The following NOL9 variants were observed in gnomAD, a reference collection of about 807,000 sequenced individuals.
The protein encoded by NOL9 is nucleolar protein 9.
NOL9 carries 28 observed loss-of-function variants against 67.9 expected under a neutral mutation model. The ratio of observed to expected loss-of-function variants is 0.41; its 90% CI spans 0.31 to 0.57. NOL9 has a LOEUF of 0.57. NOL9 is among the 20% of genes least tolerant of loss of function. The pLI, the probability that NOL9 is intolerant of heterozygous loss-of-function variation, is 0.25. For synonymous variants in NOL9, 356 were observed against 352.2 expected (o/e 1.01, Z -0.12); for missense variants, 777 against 897.0 (o/e 0.87, Z 1.71).
At chr1:6,553,330 T>C (rs998528852) in intron 1 of NOL9, among the ~76,000 whole-genome samples, 2 of 152,086 alleles carry the variant, frequency 1.3e-5, no homozygotes, top group Non-Finnish European at 2.9e-5. Flanking sequence ...ACGTTAAGAA[T>C]CAGGCTGCCT....
chr1:6,526,895 A>G, intron 10 of NOL9, 66 bp from the exon 11 acceptor site: 1 of 1,504,008 alleles, frequency 6.6e-7, no homozygotes, highest in Admixed American at 2.2e-5. Context: ...CCATCGTTAG[A>G]AACTGCAGAA....
intron 8 of NOL9, 159 bp from the exon 9 acceptor site, chr1:6,532,238 T>A: frequency 1.4e-6 from 1 of 726,860 alleles, no homozygotes; most frequent in African/African-American, 1.8e-5. Context: ...GTGTAAAGAC[T>A]CTCCTTTAAG....
At chr1:6,549,113 C>A (rs148785907) in intron 3 of NOL9, 9 of 154,582 alleles carry the variant, frequency 5.8e-5, no homozygotes, top group Admixed American at 3.9e-4. Flanking sequence ...AAAAATTAGC[C>A]GGGCATGGTG....
chr1:6,525,478 T>C lies in NOL9; in HGVS notation c.*376A>G, dbSNP rs1253041870. The C allele has an allele frequency of 2.7e-5, 6 of 224,322 alleles. 1 individual carries two copies. The highest frequency in any genetic ancestry group is 9.2e-5 in the African/African-American group (4 of 43,500). The allele number at this position is 224,322 out of a possible 1,614,324, so 13.9% of individuals were successfully genotyped here. On this transcript the variant is annotated 3_prime_UTR_variant, in exon 12 of 12. Coordinates refer to ENST00000377705, the MANE Select transcript of NOL9 (RefSeq NM_024654.5). ...TCCATTATGCTTGAGATCCTGCAGG[T>C]CGGCCTTCTTCCTTCCTTCTCGGTA...
chr1:6,541,924 A>C lies in NOL9; in HGVS notation c.981T>G (p.Leu327=), dbSNP rs1273288588. Reference sequence around the variant, plus strand: ...CACATTCCAAATAGTCAACGCAGGGAAGACTGCAAATTTTTAAAAAAGAAA... The same window carrying C: ...CACATTCCAAATAGTCAACGCAGGGCAGACTGCAAATTTTTAAAAAAGAAA... ...RYLINHLLNS[L]PCVDYLECDL... is the part of the protein sequence containing the mutation. The change falls in exon 6 of 12, where the codon CTT becomes CTG. Residue 327 remains leucine, a synonymous_variant. Transcript: ENST00000377705. 6.3e-7 allele frequency: 1 copy of C among 1,579,948 alleles called. No homozygotes were observed. The highest frequency in any genetic ancestry group is 2.2e-5 in the East Asian group (1 of 44,490).
intron 5 of NOL9, among the ~76,000 whole-genome samples, chr1:6,543,898 G>A (rs1403954216): frequency 6.6e-6 from 1 of 152,116 alleles, no homozygotes; most frequent in East Asian, 1.9e-4. Flanking sequence ...GGCTAAGGCG[G>A]GCAGATAACC....
At chr1:6,549,501 T>A (rs1488611803) in intron 3 of NOL9, 70 bp downstream of exon 3, 4 of 1,559,574 alleles carry the variant, frequency 2.6e-6, no homozygotes, top group Non-Finnish European at 3.5e-6. Context: ...GACAACATCC[T>A]ACATAGTCAT....
rs1436806075 is a variant in NOL9, at chr1:6,526,731, C to T, written c.1924G>A (p.Ala642Thr). ...LRTVNCLLVG[A>T]IAIPHCVLKC... The stretch of plus-strand genomic sequence containing the variant: ...AGGACACAATGTGGAATGGCAATAG[C>T]TCCAACGAGCAGACAATTCACGGTC... The change falls in exon 11 of 12, where the codon GCT becomes ACT. Residue 642 changes from alanine to threonine, a missense_variant. Around this residue, in one of 2 missense-constraint regions of NOL9, gnomAD observed 413 missense variants for 552.6 expected, o/e 0.75. Coordinates refer to ENST00000377705, the MANE Select transcript of NOL9 (RefSeq NM_024654.5). 3.1e-6 allele frequency: 5 copies of T among 1,613,878 alleles called. No individual in the cohort carries two copies. The highest frequency in any genetic ancestry group is 4.2e-6 in the Non-Finnish European group (5 of 1,179,884).
rs752971374 is a variant in NOL9 at position 6,525,442 on chromosome 1, G to C, written c.*412C>G. ...ACATGGCTCAGGCAAGGCCCGTGGC[G>C]AGCCCTTGTATCCATTATGCTTGAG... On this transcript the variant is annotated 3_prime_UTR_variant, in exon 12 of 12. Transcript: ENST00000377705. The C allele has an allele frequency of 5.0e-6, 1 of 198,570 alleles. No individual in the cohort carries two copies. The highest frequency in any genetic ancestry group is 1.0e-5 in the Non-Finnish European group (1 of 96,218). The allele number at this position is 198,570 out of a possible 1,614,324, so 12.3% of individuals were successfully genotyped here.
Position 6,525,754 on chromosome 1 carries a change from C to A in NOL9, c.*100G>T, listed in dbSNP as rs1557780116. ...CAAAAAACACTGTTGCTAATAAGGGCACCATTCATGGCCATGAAACTCCAT... is the reference window on the plus strand; with the variant it reads ...CAAAAAACACTGTTGCTAATAAGGGAACCATTCATGGCCATGAAACTCCAT... On this transcript the variant is annotated 3_prime_UTR_variant, in exon 12 of 12. Transcript: ENST00000377705. 1 of 1,205,482 alleles carries A rather than the reference C, an allele frequency of 8.3e-7. No homozygotes were observed. The highest frequency in any genetic ancestry group is 2.3e-5 in the East Asian group (1 of 42,780). The allele number at this position is 1,205,482 out of a possible 1,614,324, so 74.7% of individuals were successfully genotyped here.
At position 6,523,397 on chromosome 1, in the gene NOL9, T is replaced by C. The variant is rs534439053; in HGVS notation, c.*2457A>G. On this transcript the variant is annotated 3_prime_UTR_variant, in exon 12 of 12. Transcript: ENST00000377705. ...GAGTTCAAAACCAGCCTGGCCAACA[T>C]GGTGAAACCCCTTCTCTACTAAAAA... is the stretch of plus-strand genomic sequence containing the variant. 1.3e-5 allele frequency: 2 copies of C among 149,990 alleles called. No homozygotes were observed. The highest frequency in any genetic ancestry group is 4.2e-4 in the South Asian group (2 of 4,742). 9.3% of individuals were successfully genotyped at this position (149,990 alleles called of 1,614,324 possible).
chr1:6,536,699 G>A (rs1174175873), intron 6 of NOL9, among the ~76,000 whole-genome samples: 1 of 152,006 alleles, frequency 6.6e-6, no homozygotes, highest in Non-Finnish European at 1.5e-5. Context: ...GCTTGGTGGT[G>A]CATACCTGTT....
intron 2 of NOL9, 32 bp from the exon 3 acceptor site, chr1:6,549,730 C>G: frequency 6.2e-7 from 1 of 1,606,200 alleles, no homozygotes; most frequent in Non-Finnish European, 8.5e-7. Context: ...ACCTTAGAAG[C>G]AGTAACTTCA....
At chr1:6,533,085 G>A (rs1342193096) in intron 7 of NOL9, among the ~76,000 whole-genome samples, 195 bp downstream of exon 7, 1 of 152,196 alleles carries the variant, frequency 6.6e-6, no homozygotes, top group Non-Finnish European at 1.5e-5. Flanking sequence ...TGAGGTGGGA[G>A]GATTGTTTGA....
intron 10 of NOL9, among the ~76,000 whole-genome samples, chr1:6,528,446 G>T (rs766300803): frequency 1.3e-5 from 2 of 152,176 alleles, no homozygotes; most frequent in Non-Finnish European, 2.9e-5. Flanking sequence ...CCATCTAATG[G>T]GCTGAAAGTA....
intron 6 of NOL9, among the ~76,000 whole-genome samples, chr1:6,536,752 G>C (rs79302044): frequency 0.01 from 1,559 of 152,264 alleles, 20 homozygotes; most frequent in South Asian, 0.018. Flanking sequence ...AGAAGGTGGA[G>C]GATGCAGTGA....
At chr1:6,540,124 CTT>C (rs770304509) in intron 6 of NOL9, among the ~76,000 whole-genome samples, 1 of 104,382 alleles carries the variant, frequency 9.6e-6, no homozygotes, top group Admixed American at 1.2e-4. Flanking sequence ...GAGAGTTATT[CTT>C]TTTTTTTTTT....
rs569699453 is a variant in NOL9, at chr1:6,541,555, CAT to C, written c.1075+273_1075+274del. Reference sequence around the variant, plus strand: ...ACATAAGATGTTGAAATTAGGGAAACATGTGTTTCTAATTTACATAAAACAAA... The same window carrying C: ...ACATAAGATGTTGAAATTAGGGAAACGTGTTTCTAATTTACATAAAACAAA... On this transcript the variant is annotated intron_variant, in intron 6 of 11. Coordinates refer to ENST00000377705, the MANE Select transcript of NOL9 (RefSeq NM_024654.5). Among the ~76,000 whole-genome samples, 1,492 of 152,274 alleles carry C rather than the reference CAT, an allele frequency of 9.8e-3. 6 individuals are homozygous for C. Among genetic ancestry groups the C allele is most frequent in the Non-Finnish European group, 0.015 (1,034 of 68,008 alleles).
At chr1:6,543,392 TC>T (rs1639344389) in intron 5 of NOL9, among the ~76,000 whole-genome samples, 1 of 152,162 alleles carries the variant, frequency 6.6e-6, no homozygotes, top group African/African-American at 2.4e-5. Flanking sequence ...AGACGGGGTT[TC>T]CCCGTGTTAG....
Sources: gnomAD v4.1 joint callset for allele counts (sites outside exome capture counted in the v4.1 genomes callset) on GRCh38, gnomAD v4.1.1 for gene constraint, gnomAD v4.1.1 regional missense constraint, MANE v1.5 for transcripts, NCBI Gene and HGNC (gene_info 2026-07-23, HGNC 2026-07-21) for gene names.